ENOX2: variants seen among roughly 807,000 people sequenced by gnomAD.
The protein encoded by ENOX2 is ecto-NOX disulfide-thiol exchanger 2.
ENOX2 carries 36 observed loss-of-function variants against 45.0 expected under a neutral mutation model. The ratio of observed to expected loss-of-function variants is 0.80; its 90% CI spans 0.61 to 1.06. The LOEUF is 1.06. ENOX2 is among the 50% of genes least tolerant of loss of function. ENOX2 has a pLI of 0.00. For synonymous variants in ENOX2, 174 were observed against 152.3 expected, an observed-to-expected ratio of 1.14 and a Z score of -1.05; for missense variants, 423 against 462.5, an observed-to-expected ratio of 0.91 and a Z score of 0.78.
chrX:130,875,279 G>A (rs1383664663), intron 2 of ENOX2, among the ~76,000 whole-genome samples: 1 of 87,088 alleles, frequency 1.1e-5, no homozygotes, highest in Non-Finnish European at 2.3e-5. Context: ...TTTTTTTTTT[G>A]CACAAATTGA....
At chrX:130,869,696 A>G (rs1286069500) in intron 2 of ENOX2, among the ~76,000 whole-genome samples, 1 of 112,022 alleles carries the variant, frequency 8.9e-6, no homozygotes, top group Non-Finnish European at 1.9e-5. Context: ...TGCAAATGCT[A>G]TTCCCTCTGA....
intron 2 of ENOX2, among the ~76,000 whole-genome samples, chrX:130,887,096 T>G (rs913814893): frequency 8.9e-6 from 1 of 112,043 alleles, no homozygotes; most frequent in African/African-American, 3.2e-5. Context: ...GCAGCTATTT[T>G]GTTTAGCTCA....
chrX:130,806,944 T>C (rs1444041467), intron 2 of ENOX2, among the ~76,000 whole-genome samples: 3 of 112,348 alleles, frequency 2.7e-5, no homozygotes, highest in Non-Finnish European at 3.8e-5. Flanking sequence ...AGGACTCCAA[T>C]TTTAGTGTTC....
chrX:130,675,488 T>C (rs935241596), intron 6 of ENOX2, among the ~76,000 whole-genome samples: 8 of 112,376 alleles, frequency 7.1e-5, no homozygotes, highest in African/African-American at 2.3e-4. Flanking sequence ...CAAACATCTT[T>C]CAAAAAGAAA....
chrX:130,646,374 A>C, intron 10 of ENOX2: 2 of 232,398 alleles, frequency 8.6e-6, no homozygotes, highest in Non-Finnish European at 1.6e-5. Context: ...GGCCCCACTG[A>C]AGAACTCCCC....
chrX:130,808,517 C>A (rs749412407), intron 2 of ENOX2, among the ~76,000 whole-genome samples: 1 of 111,910 alleles, frequency 8.9e-6, no homozygotes, highest in Non-Finnish European at 1.9e-5. Flanking sequence ...ATTCAGAAAG[C>A]AAGTTCCAAT....
intron 3 of ENOX2, 41 bp from the exon 4 acceptor site, chrX:130,703,295 G>T: frequency 8.8e-7 from 1 of 1,142,745 alleles, no homozygotes; most frequent in Non-Finnish European, 1.2e-6. Context: ...TTGTGTTAAG[G>T]TTCTAGCAAC....
chrX:130,669,928 A>T, intron 7 of ENOX2, 37 bp downstream of exon 7: 2 of 971,310 alleles, frequency 2.1e-6, no homozygotes, highest in Non-Finnish European at 3.0e-6. Flanking sequence ...TAAAGAAAAG[A>T]GTTCTTTTAA....
At chrX:130,902,461 G>A (rs2079158298) in intron 1 of ENOX2, among the ~76,000 whole-genome samples, 1 of 110,271 alleles carries the variant, frequency 9.1e-6, no homozygotes, top group Non-Finnish European at 1.9e-5. Flanking sequence ...CAAAGACCTG[G>A]TGGGGGAAGT....
intron 9 of ENOX2, among the ~76,000 whole-genome samples, chrX:130,658,645 G>A (rs965978515): frequency 6.3e-5 from 7 of 111,939 alleles, no homozygotes; most frequent in African/African-American, 2.3e-4. Context: ...ACATTATACA[G>A]AGGGGAACAA....
chrX:130,791,729 C>T (rs2077046025), intron 2 of ENOX2, among the ~76,000 whole-genome samples: 1 of 111,893 alleles, frequency 8.9e-6, no homozygotes, highest in Non-Finnish European at 1.9e-5. Flanking sequence ...GTTCCTTCAG[C>T]ATTCCTGGTA....
chrX:130,799,984 T>A (rs1239747542), intron 2 of ENOX2, among the ~76,000 whole-genome samples: 8 of 111,619 alleles, frequency 7.2e-5, no homozygotes, highest in South Asian at 3.7e-4. Context: ...AGTTTTTTTT[T>A]AATGATGTTT....
chrX:130,902,713 AC>A (rs2079163550), intron 1 of ENOX2, among the ~76,000 whole-genome samples: 1 of 103,542 alleles, frequency 9.7e-6, no homozygotes, highest in Non-Finnish European at 2.0e-5. Flanking sequence ...CCTAGGCAAA[AC>A]CCTGGACGCA....
At position 130,893,083 on chromosome X, in the gene ENOX2, T is replaced by C. The variant is rs2079008245; in HGVS notation, c.-183+8601A>G. 4.5e-5 allele frequency among the ~76,000 whole-genome samples: 5 copies of C among 111,963 alleles called. No homozygotes were observed. In the South Asian group the frequency reaches 1.8e-3, roughly 41 times the overall value. ...CACAAGTGTTTCAGAACAAAATAAT[T>C]ATAATTATATAGAAAAGTATAAAGC... On this transcript the variant is annotated intron_variant, in intron 2 of 14. Transcript: ENST00000394363.
At chrX:130,886,231 G>A (rs188831188) in intron 2 of ENOX2, among the ~76,000 whole-genome samples, 20 of 112,567 alleles carry the variant, frequency 1.8e-4, no homozygotes, top group South Asian at 1.5e-3. Flanking sequence ...AATGAGGAGC[G>A]AAATCAACTG....
chrX:130,890,399 C>T (rs773690386), intron 2 of ENOX2, among the ~76,000 whole-genome samples: 6 of 111,524 alleles, frequency 5.4e-5, no homozygotes, highest in East Asian at 2.8e-4. Flanking sequence ...CCTCGGCAGC[C>T]GTCACCAAGC....
At chrX:130,632,365 G>GGC (rs1491578930) in intron 12 of ENOX2, among the ~76,000 whole-genome samples, 2 of 5,381 alleles carry the variant, frequency 3.7e-4, no homozygotes, top group Non-Finnish European at 4.1e-3. Flanking sequence ...AGGAAGGGGC[G>GGC]GGGGGGGGGG....
intron 13 of ENOX2, among the ~76,000 whole-genome samples, chrX:130,630,991 A>ACAAG (rs2035688447): frequency 9.1e-6 from 1 of 110,064 alleles, no homozygotes; most frequent in African/African-American, 3.3e-5. Context: ...AAACAAACAA[A>ACAAG]CAAACAATCC....
At chrX:130,844,469 C>A (rs1366853911) in intron 2 of ENOX2, among the ~76,000 whole-genome samples, 1 of 111,877 alleles carries the variant, frequency 8.9e-6, no homozygotes, top group East Asian at 2.8e-4. Flanking sequence ...TTTCCCTTCC[C>A]ATTTCTATCC....
Sources: gnomAD v4.1 joint callset for allele counts (sites outside exome capture counted in the v4.1 genomes callset) on GRCh38, gnomAD v4.1.1 for gene constraint, MANE v1.5 for transcripts, NCBI Gene and HGNC (gene_info 2026-07-23, HGNC 2026-07-21) for gene names.